The following SGIP1 variants were observed in gnomAD, a reference collection of about 807,000 sequenced individuals.
The protein encoded by SGIP1 is SH3GL interacting endocytic adaptor 1.
Under a neutral mutation model 107.5 loss-of-function variants are expected in SGIP1, and 38 were observed. That is an observed-to-expected ratio of 0.35 (90% CI 0.27 to 0.46). The LOEUF (loss-of-function observed/expected upper bound fraction) is 0.46, where lower values mean the gene tolerates loss of function less well. SGIP1 is among the 20% of genes least tolerant of loss of function. The pLI, the probability that SGIP1 is intolerant of heterozygous loss-of-function variation, is 1.00. For synonymous variants in SGIP1, 365 were observed against 366.1 expected (o/e 1.00, Z 0.03); for missense variants, 929 against 1,019.5 (o/e 0.91, Z 1.21).
At chr1:66,606,333 G>A (rs1350911726) in intron 1 of SGIP1, among the ~76,000 whole-genome samples, 1 of 152,168 alleles carries the variant, frequency 6.6e-6, no homozygotes, top group African/African-American at 2.4e-5. Context: ...CACACAGTAG[G>A]AACTATGTCT....
At chr1:66,567,856 G>T (rs981960150) in intron 1 of SGIP1, among the ~76,000 whole-genome samples, 1 of 152,104 alleles carries the variant, frequency 6.6e-6, no homozygotes, top group African/African-American at 2.4e-5. Flanking sequence ...CTGTTCACTT[G>T]GTCTACATGT....
intron 18 of SGIP1, among the ~76,000 whole-genome samples, chr1:66,697,080 A>T (rs902192586): frequency 6.6e-6 from 1 of 151,916 alleles, no homozygotes; most frequent in Non-Finnish European, 1.5e-5. Flanking sequence ...ACAACAAAAA[A>T]ACAACTCTGA....
intron 1 of SGIP1, among the ~76,000 whole-genome samples, chr1:66,577,281 G>A (rs767407724): frequency 1.3e-5 from 2 of 152,082 alleles, no homozygotes; most frequent in East Asian, 1.9e-4. Flanking sequence ...TGTGCTTACA[G>A]CCTGGATCCC....
At chr1:66,540,098 T>C (rs1433634597) in intron 1 of SGIP1, among the ~76,000 whole-genome samples, 1 of 152,142 alleles carries the variant, frequency 6.6e-6, no homozygotes, top group East Asian at 1.9e-4. Context: ...GGCATTATGA[T>C]GGACGTAAGA....
rs751366898 is a variant in SGIP1, at chr1:66,681,953, C to T, written c.899C>T (p.Ser300Phe). ...DLDSIFGPVL[S>F]PKSVAVNAEE... ...GACAGCATTTTTGGGCCAGTATTGT[C>T]CCCCAAGTCTGTTGCTGTTAATGCT... The change falls in exon 15 of 25, where the codon TCC becomes TTC. Residue 300 changes from serine to phenylalanine, a missense_variant. Physicochemically the swap from Ser to Phe is radical, Grantham distance 155. Transcript: ENST00000371037. 6.2e-7 allele frequency: 1 copy of T among 1,614,180 alleles called. No homozygotes were observed. The highest frequency in any genetic ancestry group is 8.5e-7 in the Non-Finnish European group (1 of 1,180,030).
chr1:66,735,146 A>T (rs1286442293), intron 21 of SGIP1, among the ~76,000 whole-genome samples: 1 of 152,018 alleles, frequency 6.6e-6, no homozygotes, highest in Non-Finnish European at 1.5e-5. Flanking sequence ...AGCCTCTGGT[A>T]ACCACCATTC....
At chr1:66,671,375 C>G (rs981822209) in intron 10 of SGIP1, among the ~76,000 whole-genome samples, 2 of 152,096 alleles carry the variant, frequency 1.3e-5, no homozygotes, top group African/African-American at 2.4e-5. Context: ...AAAGTAGAAG[C>G]AACTTACCCA....
At chr1:66,638,548 A>G (rs1163564923) in intron 4 of SGIP1, among the ~76,000 whole-genome samples, 1 of 152,204 alleles carries the variant, frequency 6.6e-6, no homozygotes, top group Non-Finnish European at 1.5e-5. Context: ...CAGTTCTTAT[A>G]TTTGTAAATT....
chr1:66,734,152 T>C (rs575377395), intron 21 of SGIP1, among the ~76,000 whole-genome samples: 222 of 152,300 alleles, frequency 1.5e-3, no homozygotes, highest in African/African-American at 4.4e-3. Context: ...CAAAACATTA[T>C]ACTAATTAAG....
chr1:66,635,211 T>C (rs1570996262), intron 3 of SGIP1, among the ~76,000 whole-genome samples: 1 of 152,236 alleles, frequency 6.6e-6, no homozygotes, highest in East Asian at 1.9e-4. Context: ...GTTTAACCTA[T>C]AGAGGCTTCG....
intron 8 of SGIP1, among the ~76,000 whole-genome samples, chr1:66,661,079 A>G (rs6694782): frequency 0.51 from 77,859 of 152,046 alleles, 20,862 homozygotes; most frequent in East Asian, 0.87. Flanking sequence ...CTGGATGTTA[A>G]TTTTTAGTAG....
At chr1:66,741,535 T>A in intron 24 of SGIP1, 99 bp downstream of exon 24, 1 of 1,225,930 alleles carries the variant, frequency 8.2e-7, no homozygotes, top group South Asian at 2.0e-5. Flanking sequence ...TTCCTCCACC[T>A]CTTTCCCACT....
chr1:66,713,652 AAC>A (rs1392172451), intron 18 of SGIP1, among the ~76,000 whole-genome samples: 1 of 151,968 alleles, frequency 6.6e-6, no homozygotes, highest in Non-Finnish European at 1.5e-5. Flanking sequence ...TTATACAATA[AAC>A]TCCATAGGGG....
intron 1 of SGIP1, among the ~76,000 whole-genome samples, chr1:66,573,857 T>A (rs4655623): frequency 0.17 from 26,093 of 151,980 alleles, 2,665 homozygotes; most frequent in East Asian, 0.45. Flanking sequence ...CAAACCCCCA[T>A]GACAAAAGTT....
At chr1:66,542,251 T>C (rs995383970) in intron 1 of SGIP1, among the ~76,000 whole-genome samples, 1 of 152,130 alleles carries the variant, frequency 6.6e-6, no homozygotes, top group Non-Finnish European at 1.5e-5. Context: ...TAAAGTTAAT[T>C]TGTAAATAAG....
At chr1:66,576,492 C>G (rs2061083351) in intron 1 of SGIP1, among the ~76,000 whole-genome samples, 1 of 152,164 alleles carries the variant, frequency 6.6e-6, no homozygotes. Context: ...GATGATAGTA[C>G]TGGCTCATGG....
Position 66,744,038 on chromosome 1 carries a change from T to C in SGIP1, c.*943T>C, listed in dbSNP as rs1195515724. On this transcript the variant is annotated 3_prime_UTR_variant, in exon 25 of 25. Coordinates refer to ENST00000371037, the MANE Select transcript of SGIP1 (RefSeq NM_032291.4). ...GCTTAGTTACTCTGAATAGATGATC[T>C]TACTCATCCAGTATGGGGGAATGAT... 3.3e-5 allele frequency: 5 copies of C among 152,146 alleles called. No homozygotes were observed. Among genetic ancestry groups the C allele is most frequent in the Non-Finnish European group, 7.4e-5 (5 of 67,994 alleles). 9.4% of individuals were successfully genotyped at this position (152,146 alleles called of 1,614,324 possible).
At chr1:66,611,061 A>C (rs1477317237) in intron 1 of SGIP1, among the ~76,000 whole-genome samples, 1 of 152,220 alleles carries the variant, frequency 6.6e-6, no homozygotes, top group Non-Finnish European at 1.5e-5. Context: ...TGGATGCACC[A>C]AAATCTAAGA....
chr1:66,729,339 G>C lies in SGIP1; in HGVS notation c.1818G>C (p.Pro606=). Reference sequence around the variant, plus strand: ...TCACCAGACACTTTGCCAACAACCCGTCCCCAGCTGCTCTGACTTTTCGGG... The same window carrying C: ...TCACCAGACACTTTGCCAACAACCCCTCCCCAGCTGCTCTGACTTTTCGGG... ...AGITRHFANN[P]SPAALTFRVI... The change falls in exon 20 of 25, where the codon CCG becomes CCC. Residue 606 remains proline (P), a synonymous_variant. Transcript: ENST00000371037. 3.1e-6 allele frequency: 5 copies of C among 1,614,072 alleles called. No homozygotes were observed. The highest frequency in any genetic ancestry group is 4.2e-6 in the Non-Finnish European group (5 of 1,180,016).
Sources: allele counts gnomAD v4.1 joint callset (sites outside exome capture counted in the v4.1 genomes callset), GRCh38; gene constraint gnomAD v4.1.1; transcripts MANE v1.5; gene names NCBI Gene and HGNC (gene_info 2026-07-23, HGNC 2026-07-21).